Variants in ECE1 observed in about 807,000 individuals in gnomAD.
The protein encoded by ECE1 is endothelin converting enzyme 1, also known as endothelin-converting enzyme 1.
ECE1 carries 35 observed loss-of-function variants against 98.6 expected under a neutral mutation model. The observed-to-expected ratio is 0.35, with a 90% CI of 0.27 to 0.47. The LOEUF is 0.47. ECE1 is among the 20% of genes least tolerant of loss of function. The pLI, the probability that ECE1 is intolerant of heterozygous loss-of-function variation, is 1.00. For missense variants in ECE1, 814 were observed against 1,025.3 expected (o/e 0.79, Z 2.81); for synonymous variants, 394 against 407.1 (o/e 0.97, Z 0.39).
At chr1:21,243,044 G>A (rs2098198511) in intron 10 of ECE1, among the ~76,000 whole-genome samples, 1 of 152,224 alleles carries the variant, frequency 6.6e-6, no homozygotes, top group South Asian at 2.1e-4. Context: ...CCACAGGGAA[G>A]CTTGACCTTA....
In ECE1 at chr1:21,258,608, CTCT is replaced by C; in HGVS notation, c.762+82_762+84del. Reference sequence around the variant, plus strand: ...CCGCCGTCCCACCCAGGGCAAGCCCCTCTCCCACCCCAGGTCCTGCTAAACTCA... The same window carrying C: ...CCGCCGTCCCACCCAGGGCAAGCCCCCCCACCCCAGGTCCTGCTAAACTCA... On this transcript the variant is annotated intron_variant, in intron 6 of 18. Coordinates refer to ENST00000374893, the MANE Select transcript of ECE1 (RefSeq NM_001397.3). The surrounding 1 kb of genome is among the most constrained non-coding windows in gnomAD (Gnocchi z 4.2). 4 of 1,500,944 alleles carry C rather than the reference CTCT, an allele frequency of 2.7e-6. No individual in the cohort carries two copies. The highest frequency in any genetic ancestry group is 1.4e-5 in the African/African-American group (1 of 71,672). 93.0% of individuals were successfully genotyped at this position (1,500,944 alleles called of 1,614,324 possible).
At chr1:21,280,706 G>A (rs572388058) in intron 2 of ECE1, among the ~76,000 whole-genome samples, 1 of 152,148 alleles carries the variant, frequency 6.6e-6, no homozygotes, top group Non-Finnish European at 1.5e-5. Context: ...CCCTGGTGCC[G>A]GGTCAGAGCC....
At chr1:21,294,330 G>A (rs1638294472), upstream of ECE1, 1 of 152,318 alleles carries the variant, frequency 6.6e-6, no homozygotes, top group South Asian at 2.1e-4. This position sits in a 1 kb window ranked among gnomAD's most constrained non-coding sequence, Gnocchi z 4.2. Flanking sequence ...GCCTGGCCCC[G>A]AGTGTGTTGG....
At chr1:21,222,536 T>C (rs750093010) in intron 17 of ECE1, among the ~76,000 whole-genome samples, 5 of 152,156 alleles carry the variant, frequency 3.3e-5, no homozygotes, top group African/African-American at 9.7e-5. Context: ...AATTCTGCTA[T>C]TGCAGCATGA....
intron 10 of ECE1, among the ~76,000 whole-genome samples, chr1:21,241,397 T>C (rs937103605): frequency 5.3e-5 from 8 of 150,842 alleles, no homozygotes; most frequent in Admixed American, 4.0e-4. Context: ...GCCAAAGGGA[T>C]CACCCAGGGA....
intron 10 of ECE1, among the ~76,000 whole-genome samples, chr1:21,241,826 T>C (rs371149895): frequency 7.9e-5 from 12 of 152,214 alleles, no homozygotes; most frequent in South Asian, 6.2e-4. Context: ...TACTACAGGA[T>C]GGTGAGAAAA....
At chr1:21,243,296 G>A (rs1330507151) in intron 10 of ECE1, among the ~76,000 whole-genome samples, 1 of 151,992 alleles carries the variant, frequency 6.6e-6, no homozygotes, top group African/African-American at 2.4e-5. Context: ...TCATCATTAT[G>A]TAAGTGAGTA....
rs200605491 is a variant in ECE1 at position 21,279,280 on chromosome 1, T to C, written c.191A>G (p.Gln64Arg). The C allele has an allele frequency of 6.2e-7, 1 of 1,614,174 alleles. No individual in the cohort carries two copies. The highest frequency in any genetic ancestry group is 1.7e-5 in the Admixed American group (1 of 60,026). Residue 64 changes from glutamine to arginine, a missense_variant, in exon 3 of 19, where the codon CAG (glutamine) becomes CGG (arginine). By Grantham distance (43) the Gln-to-Arg change is conservative. Coordinates refer to ENST00000374893, the MANE Select transcript of ECE1 (RefSeq NM_001397.3). ...CAACACCACCAGCCGCTTCTCCACC[T>C]GGGTCCGTGCAGCCCAGCACCTCTG... Reference protein sequence around the residue: ...SGQRCWAARTQVEKRLVVLVV... With the variant: ...SGQRCWAARTRVEKRLVVLVV...
chr1:21,289,993 CG>C, intron 2 of ECE1, 76 bp downstream of exon 2: 2 of 897,802 alleles, frequency 2.2e-6, no homozygotes, highest in African/African-American at 3.7e-5. Flanking sequence ...TAGGTAGGGG[CG>C]GGGGGCGCGG....
At chr1:21,293,178 GA>G (rs966267861), upstream of ECE1, 1 of 152,146 alleles carries the variant, frequency 6.6e-6, no homozygotes, top group African/African-American at 2.4e-5. Flanking sequence ...TACAGAGAAT[GA>G]AACTGAGGCT....
Position 21,255,930 on chromosome 1 carries a change from G to A in ECE1, c.1020+17C>T. 6.2e-7 allele frequency: 1 copy of A among 1,613,564 alleles called. No individual in the cohort carries two copies. Among genetic ancestry groups the A allele is most frequent in the Non-Finnish European group, 8.5e-7 (1 of 1,179,866 alleles). ...GGAGGCCATCCCAGCCTCCCTAGCA[G>A]CCGGCGCTCAAGTTACCTGCAGCTC... On this transcript the variant is annotated intron_variant, in intron 8 of 18. Transcript: ENST00000374893.
In ECE1 at chr1:21,319,343, T is replaced by C. The variant is rs1330196814; in HGVS notation, c.3+26033A>G. ...CTGGGAGACAGAGCGAGACTCCGTC[T>C]CAAAATAATAATAATCATAATCATA... On this transcript the variant is annotated intron_variant, in intron 1 of 18. Coordinates refer to the ECE1 transcript ENST00000415912. The surrounding 1 kb of genome is among the most constrained non-coding windows in gnomAD (Gnocchi z 4.4). Among the ~76,000 whole-genome samples, 1 of 151,908 alleles carries C rather than the reference T, an allele frequency of 6.6e-6. No individual in the cohort carries two copies. Among genetic ancestry groups the C allele is most frequent in the Non-Finnish European group, 1.5e-5 (1 of 67,980 alleles).
intron 2 of ECE1, 145 bp from the exon 3 acceptor site, chr1:21,279,477 T>C: frequency 6.6e-7 from 1 of 1,517,596 alleles, no homozygotes; most frequent in Non-Finnish European, 8.9e-7. Flanking sequence ...TTCCCACAGA[T>C]TCAGCCCTAA....
Position 21,236,215 on chromosome 1 carries a change from C to T in ECE1, c.1489-288G>A, listed in dbSNP as rs569905234. 3.3e-5 allele frequency among the ~76,000 whole-genome samples: 5 copies of T among 152,404 alleles called. No individual in the cohort carries two copies. In the East Asian group the frequency reaches 5.8e-4, roughly 18 times the overall value. Reference sequence around the variant, plus strand: ...CCACGGGACGTGCTGCGTTTTCCTGCACCTTTTCCCCGTACACTCAGCGAG... The same window carrying T: ...CCACGGGACGTGCTGCGTTTTCCTGTACCTTTTCCCCGTACACTCAGCGAG... On this transcript the variant is annotated intron_variant, in intron 12 of 18. Coordinates refer to ENST00000374893, the MANE Select transcript of ECE1 (RefSeq NM_001397.3).
intron 1 of ECE1, among the ~76,000 whole-genome samples, chr1:21,309,772 T>C (rs1280591631): frequency 1.3e-5 from 2 of 149,844 alleles, no homozygotes; most frequent in East Asian, 2.0e-4. Flanking sequence ...GATTTTCTTT[T>C]TTTTTCTTTC....
rs1453043679 is a variant in ECE1 at position 21,235,868 on chromosome 1, C to T, written c.1548G>A (p.Leu516=). 6.2e-7 allele frequency: 1 copy of T among 1,614,186 alleles called. No homozygotes were observed. The change falls in exon 13 of 19, where the codon CTG becomes CTA. Residue 516 remains leucine, a synonymous_variant. Transcript: ENST00000374893. The surrounding 1 kb of genome is among the most constrained non-coding windows in gnomAD (Gnocchi z 4.2). ...TACTCACGTCATTAAACACTTTGTC[C>T]AGCTCCTTGGGATCCATGATGAAGT... ...YPNFIMDPKE[L]DKVFNDYTAV...
At chr1:21,284,940 G>A (rs2098258955) in intron 2 of ECE1, among the ~76,000 whole-genome samples, 2 of 152,196 alleles carry the variant, frequency 1.3e-5, no homozygotes, top group South Asian at 4.1e-4. Flanking sequence ...GTAAGCCTTT[G>A]AGAGCAAGTC....
At chr1:21,246,820 T>C (rs1019294277) in intron 9 of ECE1, among the ~76,000 whole-genome samples, 4 of 152,160 alleles carry the variant, frequency 2.6e-5, no homozygotes, top group African/African-American at 9.7e-5. Context: ...ACACCATGTC[T>C]GGCTAATTTT....
intron 3 of ECE1, among the ~76,000 whole-genome samples, chr1:21,273,830 G>A (rs184656908): frequency 6.6e-6 from 1 of 152,332 alleles, no homozygotes; most frequent in East Asian, 1.9e-4. Context: ...ACTCAATCCT[G>A]GGGGATAAGA....
Sources: gnomAD v4.1 joint callset for allele counts (sites outside exome capture counted in the v4.1 genomes callset) on GRCh38, gnomAD v4.1.1 for gene constraint, Gnocchi (gnomAD v3.1) non-coding constraint, MANE v1.5 for transcripts, NCBI Gene and HGNC (gene_info 2026-07-23, HGNC 2026-07-21) for gene names.